The following ZNF518A variants were observed in gnomAD, a reference collection of about 807,000 sequenced individuals.
The protein encoded by ZNF518A is zinc finger protein 518.
A neutral mutation model predicts 102.7 loss-of-function variants in ZNF518A; 47 were observed. That is an observed-to-expected ratio of 0.46 (90% CI 0.36 to 0.58). ZNF518A has a LOEUF of 0.58. Ranked by LOEUF, ZNF518A falls within the 20% of genes least tolerant of loss-of-function variation. The pLI is 0.00. For missense variants in ZNF518A, 1,793 were observed against 1,699.8 expected (o/e 1.05, Z -0.96); for synonymous variants, 652 against 594.6 (o/e 1.10, Z -1.40).
intron 3 of ZNF518A, among the ~76,000 whole-genome samples, chr10:96,145,727 T>C (rs2082141978): frequency 6.6e-6 from 1 of 152,202 alleles, no homozygotes; most frequent in African/African-American, 2.4e-5. Flanking sequence ...TGGCAGCAAG[T>C]ATATTATTTT....
At chr10:96,167,534 A>T (rs1359120611), downstream of ZNF518A, among the ~76,000 whole-genome samples, 1 of 152,206 alleles carries the variant, frequency 6.6e-6, no homozygotes, top group Non-Finnish European at 1.5e-5. Context: ...CACCAAGTAG[A>T]GAACATAGAG....
chr10:96,174,492 A>G (rs1468688900), intron 1 of ZNF518A, among the ~76,000 whole-genome samples: 1 of 152,186 alleles, frequency 6.6e-6, no homozygotes, highest in Non-Finnish European at 1.5e-5. Flanking sequence ...TACTGCTCTT[A>G]CAAAATGAAA....
At chr10:96,165,685 C>A (rs587684813), downstream of ZNF518A, among the ~76,000 whole-genome samples, 107 of 152,190 alleles carry the variant, frequency 7.0e-4, no homozygotes, top group African/African-American at 2.4e-3. Flanking sequence ...AGCTGATTTA[C>A]CATTCTTTCT....
At chr10:96,204,232 G>T (rs186624423), downstream of ZNF518A, 1 of 934,520 alleles carries the variant, frequency 1.1e-6, no homozygotes, top group East Asian at 2.4e-5. Flanking sequence ...AAAGATAAAA[G>T]AGCCACCAAA....
intron 3 of ZNF518A, among the ~76,000 whole-genome samples, chr10:96,149,523 A>G (rs1052745367): frequency 6.6e-6 from 1 of 152,202 alleles, no homozygotes; most frequent in Non-Finnish European, 1.5e-5. Flanking sequence ...GCATCCAACT[A>G]TAAGTCAACC....
intron 3 of ZNF518A, among the ~76,000 whole-genome samples, chr10:96,136,362 A>G (rs1231253342): frequency 6.7e-6 from 1 of 150,172 alleles, no homozygotes; most frequent in African/African-American, 2.4e-5. Flanking sequence ...AACCTTTCTC[A>G]AAAAGGGAAA....
At chr10:96,133,159 A>G (rs191659278) in intron 2 of ZNF518A, among the ~76,000 whole-genome samples, 2 of 152,316 alleles carry the variant, frequency 1.3e-5, no homozygotes, top group African/African-American at 2.4e-5. Context: ...AACTTTAACT[A>G]TCATCCTTCT....
At position 96,159,526 on chromosome 10, in the gene ZNF518A, A is replaced by C; in HGVS notation, c.3204A>C (p.Leu1068=). 1 of 1,613,862 alleles carries C rather than the reference A, an allele frequency of 6.2e-7. No homozygotes were observed. The highest frequency in any genetic ancestry group is 1.3e-5 in the African/African-American group (1 of 75,048). Residue 1068 remains leucine (L), a synonymous_variant, in exon 6 of 6, where the codon CTA becomes CTC. Transcript: ENST00000316045. ...AAGCTGTTCTTATTCCTAACATGCT[A>C]TCTGAGCAACAGAGCACTAAGTTGA... ...SVKAVLIPNM[L]SEQQSTKLNI...
At chr10:96,141,120 T>C (rs2133289448) in intron 3 of ZNF518A, among the ~76,000 whole-genome samples, 1 of 152,336 alleles carries the variant, frequency 6.6e-6, no homozygotes, top group African/African-American at 2.4e-5. Flanking sequence ...CTTAAAAATA[T>C]ATGGGTTAGG....
intron 1 of ZNF518A, among the ~76,000 whole-genome samples, chr10:96,171,106 C>A (rs2083170792): frequency 1.3e-5 from 2 of 151,980 alleles, no homozygotes. Flanking sequence ...AATGGTACAG[C>A]CATCTTGGAA....
chr10:96,137,406 C>T (rs2081655065), intron 3 of ZNF518A, among the ~76,000 whole-genome samples: 1 of 152,194 alleles, frequency 6.6e-6, no homozygotes, highest in Non-Finnish European at 1.5e-5. Context: ...GTCTGCACTG[C>T]ATCACTACTT....
At chr10:96,187,351 G>A (rs1400444883) in intron 1 of ZNF518A, among the ~76,000 whole-genome samples, 1 of 152,188 alleles carries the variant, frequency 6.6e-6, no homozygotes, top group Non-Finnish European at 1.5e-5. Context: ...TAGAAATAGA[G>A]GCTGAGTTAT....
At chr10:96,132,427 TATCACTGGTC>T (rs1163448620) in intron 1 of ZNF518A, among the ~76,000 whole-genome samples, 149 bp from the exon 2 acceptor site, 2 of 151,956 alleles carry the variant, frequency 1.3e-5, no homozygotes, top group Non-Finnish European at 2.9e-5. Context: ...TGTGACATGT[TATCACTGGTC>T]ATCAATGATG....
At position 96,161,471 on chromosome 10, in the gene ZNF518A, G is replaced by C. The variant is rs1164254011; in HGVS notation, c.*697G>C. The stretch of plus-strand genomic sequence containing the variant: ...CTGTGTCAAATGTTGCAGTAGATGG[G>C]CAGCTTCAAGAGAAGAATTTAAACT... On this transcript the variant is annotated 3_prime_UTR_variant, in exon 6 of 6. Transcript: ENST00000316045. 1 of 166,744 alleles carries C rather than the reference G, an allele frequency of 6.0e-6. No individual in the cohort carries two copies. Among genetic ancestry groups the C allele is most frequent in the Admixed American group, 6.6e-5 (1 of 15,262 alleles). The allele number at this position is 166,744 out of a possible 1,614,324, so 10.3% of individuals were successfully genotyped here.
At chr10:96,190,644 T>G (rs1391258265) in intron 1 of ZNF518A, among the ~76,000 whole-genome samples, 1 of 152,258 alleles carries the variant, frequency 6.6e-6, no homozygotes, top group African/African-American at 2.4e-5. Context: ...TTCTGGCCTT[T>G]CAACATACTT....
At chr10:96,152,030 G>T (rs1554880508) in intron 3 of ZNF518A, among the ~76,000 whole-genome samples, 1 of 152,148 alleles carries the variant, frequency 6.6e-6, no homozygotes, top group African/African-American at 2.4e-5. Context: ...CAGTAATCTG[G>T]GCTGGACGTT....
At chr10:96,132,804 G>T (rs1460322113) in intron 2 of ZNF518A, 134 bp downstream of exon 2, 4 of 152,016 alleles carry the variant, frequency 2.6e-5, no homozygotes, top group African/African-American at 9.7e-5. Flanking sequence ...AAAATTTTTT[G>T]AGTGCTGACA....
intron 2 of ZNF518A, chr10:96,203,844 A>G: frequency 7.0e-6 from 3 of 431,220 alleles, no homozygotes; most frequent in East Asian, 7.1e-5. Flanking sequence ...CTACTAAAAA[A>G]AGTAAAAATT....
At position 96,161,494 on chromosome 10, in the gene ZNF518A, ACT is replaced by A. The variant is rs2082998404; in HGVS notation, c.*723_*724del. The A allele has an allele frequency of 6.0e-6, 1 of 166,562 alleles. No individual in the cohort carries two copies. Among genetic ancestry groups the A allele is most frequent in the South Asian group, 2.1e-4 (1 of 4,804 alleles). 10.3% of individuals were successfully genotyped at this position (166,562 alleles called of 1,614,324 possible). ...GGGCAGCTTCAAGAGAAGAATTTAA[ACT>A]CTTTGTCTCATTGAAAGTTTGGTTA... is the stretch of plus-strand genomic sequence containing the variant. On this transcript the variant is annotated 3_prime_UTR_variant, in exon 6 of 6. Coordinates refer to ENST00000316045, the MANE Select transcript of ZNF518A (RefSeq NM_001330736.2).
Sources: allele counts gnomAD v4.1 joint callset (sites outside exome capture counted in the v4.1 genomes callset), GRCh38; gene constraint gnomAD v4.1.1; transcripts MANE v1.5; gene names NCBI Gene and HGNC (gene_info 2026-07-23, HGNC 2026-07-21).